The following THSD4 variants were observed in gnomAD, a reference collection of about 807,000 sequenced individuals.
The protein encoded by THSD4 is thrombospondin type 1 domain containing 4.
Under a neutral mutation model 119.0 loss-of-function variants are expected in THSD4, and 69 were observed. The ratio of observed to expected loss-of-function variants is 0.58; its 90% CI spans 0.48 to 0.71. The LOEUF is 0.71. Among genes scored for constraint, THSD4 ranks in the 30% least tolerant of loss-of-function variants. THSD4 has a pLI of 0.00. For synonymous variants in THSD4, 524 were observed against 540.4 expected (o/e 0.97, Z 0.42); for missense variants, 1,393 against 1,391.1 (o/e 1.00, Z -0.02).
Position 71,412,819 on chromosome 15 carries a change from T to A in THSD4, c.1152+996T>A, listed in dbSNP as rs540625484. On this transcript the variant is annotated intron_variant, in intron 7 of 17. Coordinates refer to ENST00000261862, the MANE Select transcript of THSD4 (RefSeq NM_024817.3). ...AGCAGGATTGATATTCTCAGATTTT[T>A]AAAAAGTATATTTTTAATTATTATG... 2.2e-3 allele frequency among the ~76,000 whole-genome samples: 329 copies of A among 152,300 alleles called. 1 individual carries two copies. The highest frequency in any genetic ancestry group is 7.3e-3 in the African/African-American group (305 of 41,558).
chr15:71,331,842 C>G (rs1053082273), intron 6 of THSD4, among the ~76,000 whole-genome samples: 2 of 133,994 alleles, frequency 1.5e-5, no homozygotes, highest in African/African-American at 5.6e-5. Context: ...TGACATTGGA[C>G]TGCCTACTTG....
At chr15:71,106,909 G>T (rs933435632) in intron 1 of THSD4, among the ~76,000 whole-genome samples, 47 of 152,022 alleles carry the variant, frequency 3.1e-4, no homozygotes, top group African/African-American at 1.0e-3. Context: ...CATTCCATTT[G>T]CCACAGCAAG....
chr15:71,207,515 T>C (rs894947888), intron 3 of THSD4, among the ~76,000 whole-genome samples: 1 of 152,190 alleles, frequency 6.6e-6, no homozygotes, highest in African/African-American at 2.4e-5. Flanking sequence ...TTTATGCATA[T>C]ATTGTAATAT....
intron 7 of THSD4, among the ~76,000 whole-genome samples, chr15:71,494,323 T>C (rs1436241376): frequency 6.6e-6 from 1 of 152,144 alleles, no homozygotes; most frequent in Non-Finnish European, 1.5e-5. Context: ...TCCCCATCTT[T>C]TCTTTTCTAA....
At chr15:71,579,424 G>C (rs35088841) in intron 7 of THSD4, among the ~76,000 whole-genome samples, 57,070 of 151,930 alleles carry the variant, frequency 0.38, 12,411 homozygotes, top group Non-Finnish European at 0.49. Flanking sequence ...ATGAGAAAGG[G>C]AACTGGAAAT....
intron 1 of THSD4, among the ~76,000 whole-genome samples, chr15:71,116,308 G>A (rs969328073): frequency 1.3e-5 from 2 of 152,270 alleles, no homozygotes; most frequent in African/African-American, 4.8e-5. Context: ...AGTACCTGCG[G>A]CCCCTTGGCG....
At chr15:71,583,458 GT>G (rs34135577) in intron 7 of THSD4, among the ~76,000 whole-genome samples, 128 of 147,054 alleles carry the variant, frequency 8.7e-4, no homozygotes, top group African/African-American at 2.7e-3. Flanking sequence ...TTTGGGCTTT[GT>G]TTTTTTTTTC....
intron 7 of THSD4, among the ~76,000 whole-genome samples, chr15:71,531,917 G>A (rs12440325): frequency 0.27 from 40,700 of 152,060 alleles, 6,193 homozygotes; most frequent in East Asian, 0.62. Context: ...AAAACCATCA[G>A]TGTGTCCCCC....
intron 6 of THSD4, among the ~76,000 whole-genome samples, chr15:71,359,576 G>A (rs1332503874): frequency 2.0e-5 from 3 of 152,210 alleles, no homozygotes; most frequent in Non-Finnish European, 4.4e-5. Context: ...GGGAGGGCGA[G>A]GTGGGTAGAT....
chr15:71,296,278 A>G (rs1051066614), intron 6 of THSD4, among the ~76,000 whole-genome samples: 1 of 152,206 alleles, frequency 6.6e-6, no homozygotes, highest in Non-Finnish European at 1.5e-5. Context: ...CATCAACAAT[A>G]GATAAGGGTT....
chr15:71,529,360 A>C (rs1473286212), intron 7 of THSD4, among the ~76,000 whole-genome samples: 1 of 152,238 alleles, frequency 6.6e-6, no homozygotes, highest in Non-Finnish European at 1.5e-5. Flanking sequence ...TTCCCCTTTT[A>C]TGATAGCACT....
chr15:71,135,353 T>TA (rs2141365653), intron 1 of THSD4, among the ~76,000 whole-genome samples: 1 of 98,576 alleles, frequency 1.0e-5, no homozygotes, highest in East Asian at 2.8e-4. Context: ...CCCTAAAACT[T>TA]AAAGTATAAT....
chr15:71,327,640 C>G lies in THSD4; in HGVS notation c.1015+70925C>G, dbSNP rs149897385. Among the ~76,000 whole-genome samples, 865 of 152,122 alleles carry G rather than the reference C, an allele frequency of 5.7e-3. 7 individuals carry two copies. The highest frequency in any genetic ancestry group is 0.02 in the African/African-American group (810 of 41,486). On this transcript the variant is annotated intron_variant, in intron 6 of 17. Coordinates refer to ENST00000261862, the MANE Select transcript of THSD4 (RefSeq NM_024817.3). ...CCCCCATTCCCTTCTTGTCACCCCC[C>G]ACCCACTGTGGAAAAAAAAATTGTT...
intron 7 of THSD4, 91 bp downstream of exon 7, chr15:71,411,914 C>G (rs1411530050): frequency 1.3e-6 from 2 of 1,545,524 alleles, no homozygotes; most frequent in African/African-American, 2.7e-5. Flanking sequence ...AGGCTGCTAG[C>G]TCCCCCCAGC....
At position 71,562,322 on chromosome 15, in the gene THSD4, C is replaced by T. The variant is rs566986913; in HGVS notation, c.1153-98208C>T. On this transcript the variant is annotated intron_variant, in intron 7 of 17. Transcript: ENST00000261862. ...ATAGTTTGTTCTGTCAGTATGCTTG[C>T]GCTATAGAGATGGTTAGTTTTGTAC... Among the ~76,000 whole-genome samples the T allele has an allele frequency of 4.4e-4, 67 of 152,216 alleles. 1 individual carries two copies. In the South Asian group the frequency reaches 0.013, roughly 29 times the overall value.
intron 4 of THSD4, among the ~76,000 whole-genome samples, chr15:71,221,775 G>T (rs1163607810): frequency 6.6e-6 from 1 of 152,212 alleles, no homozygotes; most frequent in Non-Finnish European, 1.5e-5. Flanking sequence ...AAATTGGGAA[G>T]TGGAATTTCT....
At chr15:71,618,642 C>G (rs559101515) in intron 7 of THSD4, among the ~76,000 whole-genome samples, 1 of 150,486 alleles carries the variant, frequency 6.6e-6, no homozygotes, top group Admixed American at 6.6e-5. Flanking sequence ...GGCACAATCA[C>G]GGCTTATTGC....
Position 71,435,837 on chromosome 15 carries a change from A to G in THSD4, c.1152+24014A>G, listed in dbSNP as rs540945446. On this transcript the variant is annotated intron_variant, in intron 7 of 17. Coordinates refer to ENST00000261862, the MANE Select transcript of THSD4 (RefSeq NM_024817.3). ...GGATTAGACTTTCCCAGCACTAACC[A>G]GGCAACAAAGATGGAAGCAACAGAA... Among the ~76,000 whole-genome samples, 3 of 152,350 alleles carry G rather than the reference A, an allele frequency of 2.0e-5. No individual in the cohort carries two copies. The East Asian group carries it at 5.8e-4, about 29-fold the overall frequency.
chr15:71,417,567 A>G (rs1185624946), intron 7 of THSD4, among the ~76,000 whole-genome samples: 2 of 106,622 alleles, frequency 1.9e-5, no homozygotes, highest in African/African-American at 6.4e-5. Context: ...ATTTATTTCT[A>G]GGTTCTCTAT....
Sources: gnomAD v4.1 joint callset for allele counts (sites outside exome capture counted in the v4.1 genomes callset) on GRCh38, gnomAD v4.1.1 for gene constraint, MANE v1.5 for transcripts, NCBI Gene and HGNC (gene_info 2026-07-23, HGNC 2026-07-21) for gene names.